The following FRAS1 variants were observed in gnomAD, a reference collection of about 807,000 sequenced individuals.
FRAS1 encodes the protein extracellular matrix organizing protein FRAS1.
In FRAS1, 290 loss-of-function variants were observed where a neutral mutation model predicts 435.2. That is an observed-to-expected ratio of 0.67 (90% CI 0.61 to 0.73). FRAS1 has a LOEUF of 0.73. Among genes scored for constraint, FRAS1 ranks in the 30% least tolerant of loss-of-function variants. FRAS1 has a pLI of 0.00. For synonymous variants in FRAS1, 1,800 were observed against 1,851.0 expected, an observed-to-expected ratio of 0.97 and a Z score of 0.71; for missense variants, 4,860 against 5,001.5, an observed-to-expected ratio of 0.97 and a Z score of 0.85.
chr4:78,217,135 AGCTGGAT>A (rs1393229763), intron 2 of FRAS1, among the ~76,000 whole-genome samples: 1 of 152,178 alleles, frequency 6.6e-6, no homozygotes, highest in African/African-American at 2.4e-5. Flanking sequence ...TATGGGCAGA[AGCTGGAT>A]GTCCCAGCTG....
chr4:78,317,443 T>C lies in FRAS1; in HGVS notation c.1895T>C (p.Leu632Pro). ...HCTACSPPKA[L>P]RQGHCLPRCG... is the part of the protein sequence containing the mutation. ...ACAGCCTGCAGCCCCCCCAAGGCTC[T>C]GCGTCAAGGCCACTGTCTGCCCCGC... is the stretch of plus-strand genomic sequence containing the variant. Residue 632 changes from leucine (L) to proline (P), a missense_variant, in exon 17 of 74, where the codon CTG becomes CCG. Coordinates refer to ENST00000512123, the MANE Select transcript of FRAS1 (RefSeq NM_025074.7). 1 of 1,613,944 alleles carries C rather than the reference T, an allele frequency of 6.2e-7. No individual in the cohort carries two copies. The highest frequency in any genetic ancestry group is 8.5e-7 in the Non-Finnish European group (1 of 1,179,864).
intron 1 of FRAS1, among the ~76,000 whole-genome samples, chr4:78,065,081 T>TATATATACACAC (rs762909923): frequency 3.2e-5 from 4 of 125,692 alleles, no homozygotes; most frequent in East Asian, 2.3e-4. Context: ...TATATATATA[T>TATATATACACAC]ATACATACAC....
chr4:78,257,948 C>T (rs1467342670), intron 6 of FRAS1, among the ~76,000 whole-genome samples: 1 of 152,186 alleles, frequency 6.6e-6, no homozygotes, highest in Non-Finnish European at 1.5e-5. Flanking sequence ...TTTGTTCAGT[C>T]TGATGAGAGT....
In FRAS1 at chr4:78,363,915, C is replaced by T; in HGVS notation, c.2583C>T (p.His861=). 3 of 1,609,280 alleles carry T rather than the reference C, an allele frequency of 1.9e-6. No homozygotes were observed. Among genetic ancestry groups the T allele is most frequent in the Non-Finnish European group, 1.7e-6 (2 of 1,177,894 alleles). ...YAERGACKKC[H]SSCRTCQGRG... ...TCTCTTTTTCCTCTGCAGAATGCCA[C>T]TCCTCCTGCAGAACCTGCCAGGGCA... The change falls in exon 22 of 74, where the codon CAC becomes CAT. Residue 861 remains histidine, a synonymous_variant. Transcript: ENST00000512123.
rs754316511 is a variant in FRAS1, at chr4:78,333,294, A to T, written c.2160A>T (p.Arg720Ser). The T allele has an allele frequency of 3.1e-6, 5 of 1,609,668 alleles. No homozygotes were observed. The highest frequency in any genetic ancestry group is 4.2e-6 in the Non-Finnish European group (5 of 1,178,078). Reference sequence around the variant, plus strand: ...CAGCTTGCCACCAGTCCTGTTTCAGATGTGCAGGGAAAAGCCCACATAACT... The same window carrying T: ...CAGCTTGCCACCAGTCCTGTTTCAGTTGTGCAGGGAAAAGCCCACATAACT... ...ICEACHQSCF[R>S]CAGKSPHNCT... Residue 720 changes from arginine to serine, a missense_variant, in exon 19 of 74, where the codon AGA (arginine) becomes AGT (serine). Coordinates refer to ENST00000512123, the MANE Select transcript of FRAS1 (RefSeq NM_025074.7).
chr4:78,327,452 ATAG>A (rs2110250193), intron 18 of FRAS1, among the ~76,000 whole-genome samples: 1 of 152,316 alleles, frequency 6.6e-6, no homozygotes, highest in Non-Finnish European at 1.5e-5. Context: ...AAGAAAAACA[ATAG>A]TAGTATCGGT....
intron 6 of FRAS1, among the ~76,000 whole-genome samples, chr4:78,258,181 A>C (rs751832302): frequency 1.2e-4 from 19 of 152,042 alleles, no homozygotes; most frequent in Non-Finnish European, 2.9e-5. Context: ...TGTCTACAAA[A>C]AATGCAAAAC....
chr4:78,529,678 G>A (rs1229770004), intron 70 of FRAS1, among the ~76,000 whole-genome samples: 1 of 152,082 alleles, frequency 6.6e-6, no homozygotes, highest in Non-Finnish European at 1.5e-5. Flanking sequence ...AACCCTATAT[G>A]TACAATGTTT....
intron 2 of FRAS1, among the ~76,000 whole-genome samples, chr4:78,204,608 T>C (rs1489914734): frequency 6.6e-6 from 1 of 152,206 alleles, no homozygotes; most frequent in Non-Finnish European, 1.5e-5. Flanking sequence ...TTTGGGATCA[T>C]TATCATGAAG....
intron 61 of FRAS1, among the ~76,000 whole-genome samples, chr4:78,500,224 C>A (rs1578360294): frequency 6.6e-6 from 1 of 152,106 alleles, no homozygotes; most frequent in South Asian, 2.1e-4. Context: ...AAAATACACA[C>A]GTAACTGGCA....
At chr4:78,504,624 T>C (rs1173162795) in intron 61 of FRAS1, among the ~76,000 whole-genome samples, 1 of 152,196 alleles carries the variant, frequency 6.6e-6, no homozygotes, top group Non-Finnish European at 1.5e-5. Flanking sequence ...TGTCTCTGCA[T>C]GTGAGATGGA....
Position 78,356,593 on chromosome 4 carries a change from C to T in FRAS1, c.2423-6920C>T, listed in dbSNP as rs112050053. Among the ~76,000 whole-genome samples the T allele has an allele frequency of 7.6e-3, 1,163 of 152,232 alleles. 18 individuals are homozygous for T. Among genetic ancestry groups the T allele is most frequent in the African/African-American group, 0.026 (1,084 of 41,524 alleles). On this transcript the variant is annotated intron_variant, in intron 20 of 73. Transcript: ENST00000512123. ...AATATGCCTACTCCAGCATAAGCCC[C>T]TTGAGAACAATTCAGCAGAGGGATG...
At position 78,424,397 on chromosome 4, in the gene FRAS1, A is replaced by C; in HGVS notation, c.4688A>C (p.Glu1563Ala). The C allele has an allele frequency of 6.8e-7, 1 of 1,468,766 alleles. No individual in the cohort carries two copies. The highest frequency in any genetic ancestry group is 9.1e-7 in the Non-Finnish European group (1 of 1,101,448). 91.0% of individuals were successfully genotyped at this position (1,468,766 alleles called of 1,614,324 possible). ...LMAFSFAGLPESVKFHFTVSD... is the reference protein window; with the variant it reads ...LMAFSFAGLPASVKFHFTVSD... ...TCTCTTACTCTTTTAGGTCTCCCAG[A>C]ATCAGTGAAATTCCACTTCACAGGT... The change falls in exon 35 of 74, where the codon GAA becomes GCA. Residue 1563 changes from glutamate (E) to alanine (A), a missense_variant. Physicochemically the swap from Glu to Ala is moderately radical, Grantham distance 107. Coordinates refer to ENST00000512123, the MANE Select transcript of FRAS1 (RefSeq NM_025074.7).
At chr4:78,220,230 A>G (rs1723993345) in intron 2 of FRAS1, among the ~76,000 whole-genome samples, 1 of 152,206 alleles carries the variant, frequency 6.6e-6, no homozygotes, top group Non-Finnish European at 1.5e-5. Context: ...ACGTTCATGG[A>G]CTATAGCTTG....
intron 4 of FRAS1, among the ~76,000 whole-genome samples, chr4:78,249,360 ACT>A (rs1171016025): frequency 9.6e-6 from 1 of 104,046 alleles, no homozygotes; most frequent in Non-Finnish European, 1.8e-5. Flanking sequence ...ATGGAGTCTC[ACT>A]CTGTCTCCCA....
At chr4:78,200,648 C>T (rs923863846) in intron 2 of FRAS1, among the ~76,000 whole-genome samples, 1 of 151,576 alleles carries the variant, frequency 6.6e-6, no homozygotes, top group African/African-American at 2.4e-5. Context: ...GTTCTGGGCC[C>T]TGTATTGCAT....
chr4:78,135,246 G>A lies in FRAS1; in HGVS notation c.108+69230G>A, dbSNP rs946538816. On this transcript the variant is annotated intron_variant, in intron 2 of 73. Coordinates refer to ENST00000512123, the MANE Select transcript of FRAS1 (RefSeq NM_025074.7). ...TAGTCAGTCTTCCTCTTTCCTTCTT[G>A]CATCTTTTCTTTTTCTCCTTTTAAT... 7.0e-4 allele frequency among the ~76,000 whole-genome samples: 106 copies of A among 152,130 alleles called. 1 individual carries two copies. The highest frequency in any genetic ancestry group is 2.5e-3 in the African/African-American group (102 of 41,504).
intron 23 of FRAS1, among the ~76,000 whole-genome samples, chr4:78,370,507 G>C (rs144731033): frequency 6.6e-6 from 1 of 152,208 alleles, no homozygotes; most frequent in East Asian, 1.9e-4. Flanking sequence ...CGTCCCTGCT[G>C]GATGGAACAG....
chr4:78,385,800 GC>G (rs1404691871), intron 28 of FRAS1, among the ~76,000 whole-genome samples: 11 of 151,404 alleles, frequency 7.3e-5, no homozygotes, highest in African/African-American at 2.7e-4. Flanking sequence ...CAGGAGACTC[GC>G]TTGAACCCGG....
Sources: gnomAD v4.1 joint callset for allele counts (sites outside exome capture counted in the v4.1 genomes callset) on GRCh38, gnomAD v4.1.1 for gene constraint, MANE v1.5 for transcripts, NCBI Gene and HGNC (gene_info 2026-07-23, HGNC 2026-07-21) for gene names.